Variants in OR2A14 observed in about 807,000 individuals in gnomAD.
The protein encoded by OR2A14 is olfactory receptor 2A14.
In OR2A14, 2 loss-of-function variants were observed where a neutral mutation model predicts 2.4. That is an observed-to-expected ratio of 0.85 (90% CI 0.35 to 2.67). The LOEUF (loss-of-function observed/expected upper bound fraction) is 2.67. Among genes scored for constraint, OR2A14 ranks in the 30% most tolerant of loss-of-function variants. The pLI is 0.10. For synonymous variants in OR2A14, 160 were observed against 156.3 expected (o/e 1.02, Z -0.18); for missense variants, 390 against 379.4 (o/e 1.03, Z -0.23).
Position 144,129,529 on chromosome 7 carries a change from G to T in OR2A14, c.417G>T (p.Val139=), listed in dbSNP as rs1214890191. 4 of 1,614,010 alleles carry T rather than the reference G, an allele frequency of 2.5e-6. No individual in the cohort carries two copies. Among genetic ancestry groups the T allele is most frequent in the Non-Finnish European group, 3.4e-6 (4 of 1,180,014 alleles). Residue 139 remains valine, a synonymous_variant, in exon 2 of 2, where the codon GTG becomes GTT. Transcript: ENST00000641068. ...LRYNSLMSWR[V]CTVLAVASWV... is the part of the protein sequence containing the mutation. ...ACAATAGCCTCATGAGCTGGAGAGT[G>T]TGCACTGTCCTGGCTGTGGCTTCCT...
At chr7:144,128,217 C>T (rs544255577) in intron 1 of OR2A14, among the ~76,000 whole-genome samples, 5 of 152,306 alleles carry the variant, frequency 3.3e-5, no homozygotes, top group South Asian at 2.1e-4. Context: ...AATACAATTA[C>T]GATACAGCGA....
At chr7:144,124,827 T>C (rs2051470711) in intron 1 of OR2A14, among the ~76,000 whole-genome samples, 3 of 152,188 alleles carry the variant, frequency 2.0e-5, no homozygotes, top group Admixed American at 1.3e-4. Context: ...TTTCTTTAAA[T>C]TGCTTTTTAA....
At chr7:144,125,438 C>G (rs893704591) in intron 1 of OR2A14, among the ~76,000 whole-genome samples, 1 of 152,054 alleles carries the variant, frequency 6.6e-6, no homozygotes, top group Non-Finnish European at 1.5e-5. Flanking sequence ...ACAGGCTTTT[C>G]TAAAAGAAAA....
intron 1 of OR2A14, among the ~76,000 whole-genome samples, chr7:144,124,117 T>C (rs1287037012): frequency 6.6e-6 from 1 of 152,120 alleles, no homozygotes; most frequent in African/African-American, 2.4e-5. Context: ...AAAGCCAGGA[T>C]CTGAACCCAG....
At position 144,130,065 on chromosome 7, in the gene OR2A14, T is replaced by G. The variant is rs765501452; in HGVS notation, c.*20T>G. 36 of 1,588,728 alleles carry G rather than the reference T, an allele frequency of 2.3e-5. No homozygotes were observed. The highest frequency in any genetic ancestry group is 3.1e-5 in the Non-Finnish European group (36 of 1,165,528). On this transcript the variant is annotated 3_prime_UTR_variant, in exon 2 of 2. Coordinates refer to ENST00000641068, the MANE Select transcript of OR2A14 (RefSeq NM_001001659.3). ...ACGTGAGACATCTCAAAGGGAACCA[T>G]GGGGAGGGAGCCTTGCTCCCTGCAA...
At chr7:144,127,496 A>G (rs2051489978) in intron 1 of OR2A14, among the ~76,000 whole-genome samples, 1 of 152,244 alleles carries the variant, frequency 6.6e-6, no homozygotes, top group South Asian at 2.1e-4. Context: ...TCTTAAGTTT[A>G]AGAGAAATGT....
Position 144,129,943 on chromosome 7 carries a change from C to T in OR2A14, c.831C>T (p.Tyr277=), listed in dbSNP as rs745954174. 1.4e-5 allele frequency: 23 copies of T among 1,614,094 alleles called. No homozygotes were observed. Among genetic ancestry groups the T allele is most frequent in the Admixed American group, 1.7e-5 (1 of 60,008 alleles). The change falls in exon 2 of 2, where the codon TAC becomes TAT. Residue 277 remains tyrosine, a synonymous_variant. Transcript: ENST00000641068. The part of the protein sequence containing the change: ...EEQQKVLSLF[Y]SLFNPMLNPL... ...AGCAGAAAGTTCTTTCCCTGTTTTA[C>T]AGCCTTTTCAATCCAATGCTGAACC...
At position 144,130,728 on chromosome 7, in the gene OR2A14, ATTGAG is replaced by A. The variant is rs2051526030; in HGVS notation, c.*686_*690del. 1 of 152,266 alleles carries A rather than the reference ATTGAG, an allele frequency of 6.6e-6. No individual in the cohort carries two copies. The highest frequency in any genetic ancestry group is 2.4e-5 in the African/African-American group (1 of 41,462). 9.4% of individuals were successfully genotyped at this position (152,266 alleles called of 1,614,324 possible). A position where few individuals can be genotyped will look rare whatever the true frequency, so the allele number is the denominator to read the frequency against. Reference sequence around the variant, plus strand: ...TTTGTGCCAATAGTAGCCAAGTCACATTGAGTTAACAGGAGCATAGTACACATCCT... The same window carrying A: ...TTTGTGCCAATAGTAGCCAAGTCACATTAACAGGAGCATAGTACACATCCT... On this transcript the variant is annotated 3_prime_UTR_variant, in exon 2 of 2. Coordinates refer to ENST00000641068, the MANE Select transcript of OR2A14 (RefSeq NM_001001659.3).
chr7:144,124,866 A>G lies in OR2A14; in HGVS notation c.-35+1602A>G, dbSNP rs533530658. Among the ~76,000 whole-genome samples, 5 of 152,292 alleles carry G rather than the reference A, an allele frequency of 3.3e-5. No individual in the cohort carries two copies. In the South Asian group the frequency reaches 6.2e-4, roughly 19 times the overall value. On this transcript the variant is annotated intron_variant, in intron 1 of 1. Coordinates refer to ENST00000641068, the MANE Select transcript of OR2A14 (RefSeq NM_001001659.3). ...TAAAAATCAAAATATAGGAACATTT[A>G]TATTAGGAAATCAAAGCAAAATGTG...
rs1019000853 is a variant in OR2A14, at chr7:144,123,218, G to A, written c.-81G>A. Reference sequence around the variant, plus strand: ...GCCTTTCCTGTCTTTGAGGTTCCTAGCAAGCCCAAGGGTATGTTAGAAGAA... The same window carrying A: ...GCCTTTCCTGTCTTTGAGGTTCCTAACAAGCCCAAGGGTATGTTAGAAGAA... On this transcript the variant is annotated 5_prime_UTR_variant, in exon 1 of 2. Transcript: ENST00000641068. 3 of 152,268 alleles carry A rather than the reference G, an allele frequency of 2.0e-5. No homozygotes were observed. Among genetic ancestry groups the A allele is most frequent in the African/African-American group, 4.8e-5 (2 of 41,542 alleles). The allele number at this position is 152,268 out of a possible 1,614,324, so 9.4% of individuals were successfully genotyped here.
chr7:144,129,829 C>T lies in OR2A14; in HGVS notation c.717C>T (p.Thr239=). The T allele has an allele frequency of 6.2e-7, 1 of 1,614,206 alleles. No individual in the cohort carries two copies. Among genetic ancestry groups the T allele is most frequent in the Non-Finnish European group, 8.5e-7 (1 of 1,180,040 alleles). Residue 239 remains threonine (T), a synonymous_variant, in exon 2 of 2, where the codon ACC becomes ACT. Coordinates refer to ENST00000641068, the MANE Select transcript of OR2A14 (RefSeq NM_001001659.3). ...AGGGCCGCAGAAAGGCCTTCTCCACCTGCTCCTCCCACCTTTGCGTGGTGG... is the reference window on the plus strand; with the variant it reads ...AGGGCCGCAGAAAGGCCTTCTCCACTTGCTCCTCCCACCTTTGCGTGGTGG... ...SGEGRRKAFS[T]CSSHLCVVGL...
intron 1 of OR2A14, among the ~76,000 whole-genome samples, chr7:144,123,665 C>G (rs1022958890): frequency 6.6e-6 from 1 of 152,160 alleles, no homozygotes; most frequent in African/African-American, 2.4e-5. Context: ...ATTTTAAAAA[C>G]TGAAGTAGAG....
intron 1 of OR2A14, among the ~76,000 whole-genome samples, 188 bp from the exon 2 acceptor site, chr7:144,128,887 TACAC>T (rs745489509): frequency 6.6e-6 from 1 of 152,226 alleles, no homozygotes; most frequent in Non-Finnish European, 1.5e-5. Flanking sequence ...CATGTACACA[TACAC>T]ACACAAATAT....
chr7:144,127,575 A>G (rs1563053202), intron 1 of OR2A14, among the ~76,000 whole-genome samples: 1 of 152,248 alleles, frequency 6.6e-6, no homozygotes, highest in Non-Finnish European at 1.5e-5. Context: ...AAATTGTGAC[A>G]GAATATTGTG....
intron 1 of OR2A14, among the ~76,000 whole-genome samples, chr7:144,125,747 T>C (rs543123187): frequency 6.6e-4 from 100 of 152,368 alleles, no homozygotes; most frequent in East Asian, 1.3e-3. Context: ...TCCTGCTCTT[T>C]AGAAATAGTT....
rs745902306 is a variant in OR2A14 at position 144,129,124 on chromosome 7, C to T, written c.12C>T (p.Asn4=). 1 of 1,612,604 alleles carries T rather than the reference C, an allele frequency of 6.2e-7. No individual in the cohort carries two copies. Among genetic ancestry groups the T allele is most frequent in the Non-Finnish European group, 8.5e-7 (1 of 1,178,994 alleles). ...ATGTCCACAAGAGCATGGAAGGCAA[C>T]AAGACATGGATCACAGACATCACCT... MEG[N]KTWITDITLP... is the part of the protein sequence containing the mutation. The change falls in exon 2 of 2, where the codon AAC becomes AAT. Residue 4 remains asparagine, a synonymous_variant. Coordinates refer to ENST00000641068, the MANE Select transcript of OR2A14 (RefSeq NM_001001659.3).
chr7:144,129,068 C>A lies in OR2A14; in HGVS notation c.-34-11C>A. The A allele has an allele frequency of 6.8e-7, 1 of 1,464,168 alleles. No homozygotes were observed. Among genetic ancestry groups the A allele is most frequent in the Non-Finnish European group, 9.4e-7 (1 of 1,068,398 alleles). 90.7% of individuals were successfully genotyped at this position (1,464,168 alleles called of 1,614,324 possible). On this transcript the variant is annotated splice_polypyrimidine_tract_variant and intron_variant, in intron 1 of 1. Coordinates refer to ENST00000641068, the MANE Select transcript of OR2A14 (RefSeq NM_001001659.3). The stretch of plus-strand genomic sequence containing the variant: ...AAGTGCTCCCTCTGTGCATCTTTGA[C>A]TGGCCCACAGCTCTGACCTTCCTGT...
intron 1 of OR2A14, among the ~76,000 whole-genome samples, chr7:144,124,748 T>A (rs925262026): frequency 3.3e-5 from 5 of 152,176 alleles, no homozygotes; most frequent in African/African-American, 1.2e-4. Context: ...GGGATTGACC[T>A]CTTACTATTA....
At chr7:144,128,501 G>C (rs2951336) in intron 1 of OR2A14, among the ~76,000 whole-genome samples, 80,381 of 151,632 alleles carry the variant, frequency 0.53, 21,615 homozygotes, top group East Asian at 0.74. Flanking sequence ...TTCTGAAAAG[G>C]AGCGTCTTAT....
Sources: gnomAD v4.1 joint callset for allele counts (sites outside exome capture counted in the v4.1 genomes callset) on GRCh38, gnomAD v4.1.1 for gene constraint, MANE v1.5 for transcripts, NCBI Gene and HGNC (gene_info 2026-07-23, HGNC 2026-07-21) for gene names.